ZNF230: variants seen among roughly 807,000 people sequenced by gnomAD.
ZNF230 encodes the protein zinc finger protein 230.
ZNF230 carries 12 observed loss-of-function variants against 10.0 expected under a neutral mutation model. That is an observed-to-expected ratio of 1.20 (90% CI 0.77 to 1.95). The LOEUF (loss-of-function observed/expected upper bound fraction) is 1.95. Among genes scored for constraint, ZNF230 ranks in the 30% most tolerant of loss-of-function variants. ZNF230 has a pLI of 0.00. For missense variants in ZNF230, 532 were observed against 565.8 expected (o/e 0.94, Z 0.61); for synonymous variants, 174 against 193.6 (o/e 0.90, Z 0.84).
Position 44,011,235 on chromosome 19 carries a change from A to G in ZNF230, c.1196A>G (p.Lys399Arg). ...CCTTATAATTGTAAGGAATGTGGGA[A>G]GAGCTTTAGCCGGGCTTCAAGTATT... The part of the protein sequence containing the change: ...ERPYNCKECG[K>R]SFSRASSILN... Residue 399 changes from lysine (K) to arginine (R), a missense_variant, in exon 5 of 5, where the codon AAG becomes AGG. Lys to Arg is a conservative substitution (Grantham distance 26). Transcript: ENST00000429154. 1 of 1,614,150 alleles carries G rather than the reference A, an allele frequency of 6.2e-7. No individual in the cohort carries two copies. The highest frequency in any genetic ancestry group is 8.5e-7 in the Non-Finnish European group (1 of 1,180,014).
At chr19:44,009,982 T>A (rs1386913329) in intron 4 of ZNF230, among the ~76,000 whole-genome samples, 1 of 152,264 alleles carries the variant, frequency 6.6e-6, no homozygotes, top group East Asian at 1.9e-4. Flanking sequence ...TAGTAATTTA[T>A]CATGCAAGAT....
chr19:44,007,855 G>A (rs941470250), intron 2 of ZNF230, among the ~76,000 whole-genome samples: 1 of 152,226 alleles, frequency 6.6e-6, no homozygotes, highest in African/African-American at 2.4e-5. Flanking sequence ...CCCTTTGCCA[G>A]TCCAGAGTTC....
rs764274865 is a variant in ZNF230, at chr19:44,010,826, C to G, written c.787C>G (p.His263Asp). 1 of 1,614,198 alleles carries G rather than the reference C, an allele frequency of 6.2e-7. No individual in the cohort carries two copies. Among genetic ancestry groups the G allele is most frequent in the Non-Finnish European group, 8.5e-7 (1 of 1,180,014 alleles). ...ICEKCGRAFI[H>D]DFQLQKHQII... ...TGAGAAATGTGGGAGGGCCTTCATT[C>G]ACGATTTCCAGCTTCAGAAACATCA... is the stretch of plus-strand genomic sequence containing the variant. Residue 263 changes from histidine (H) to aspartate (D), a missense_variant, in exon 5 of 5, where the codon CAC becomes GAC. His to Asp is a moderately conservative substitution (Grantham distance 81, BLOSUM62 -1). Transcript: ENST00000429154.
chr19:44,012,064 A>AG lies in ZNF230; in HGVS notation c.*600_*601insG. 1 of 193,194 alleles carries AG rather than the reference A, an allele frequency of 5.2e-6. No homozygotes were observed. The highest frequency in any genetic ancestry group is 1.1e-5 in the Non-Finnish European group (1 of 94,168). The allele number at this position is 193,194 out of a possible 1,614,324, so 12.0% of individuals were successfully genotyped here. On this transcript the variant is annotated 3_prime_UTR_variant, in exon 5 of 5. Coordinates refer to ENST00000429154, the MANE Select transcript of ZNF230 (RefSeq NM_006300.4). Reference sequence around the variant, plus strand: ...GGTAGTGTAGATATCTGATCCACATACTGATTTCCTTTGCTTTGGATATAC... The same window carrying AG: ...GGTAGTGTAGATATCTGATCCACATAGCTGATTTCCTTTGCTTTGGATATAC...
intron 1 of ZNF230, among the ~76,000 whole-genome samples, chr19:44,005,120 T>TAAA (rs1976111426): frequency 1.7e-5 from 1 of 57,562 alleles, no homozygotes. Flanking sequence ...AGACTCTGTC[T>TAAA]CAAAAAAAAA....
rs1976177875 is a variant in ZNF230 at position 44,011,135 on chromosome 19, T to G, written c.1096T>G (p.Cys366Gly). ...RIHSGEKPYRCEECGKGYISK... is the reference protein window; with the variant it reads ...RIHSGEKPYRGEECGKGYISK... ...CCACAGTGGAGAAAAACCATACAGA[T>G]GTGAGGAGTGTGGGAAGGGCTACAT... Residue 366 changes from cysteine (C) to glycine (G), a missense_variant, in exon 5 of 5, where the codon TGT becomes GGT. Cys to Gly is a radical substitution (Grantham distance 159). Transcript: ENST00000429154. 3 of 1,614,152 alleles carry G rather than the reference T, an allele frequency of 1.9e-6. No homozygotes were observed. In the East Asian group the frequency reaches 6.7e-5, roughly 36 times the overall value.
Position 44,010,511 on chromosome 19 carries a change from C to T in ZNF230, c.472C>T (p.Pro158Ser). 1.2e-6 allele frequency: 2 copies of T among 1,614,246 alleles called. No homozygotes were observed. The highest frequency in any genetic ancestry group is 1.7e-6 in the Non-Finnish European group (2 of 1,180,038). Residue 158 changes from proline (P) to serine (S), a missense_variant, in exon 5 of 5, where the codon CCT becomes TCT. By Grantham distance (74) the Pro-to-Ser change is moderately conservative. Coordinates refer to ENST00000429154, the MANE Select transcript of ZNF230 (RefSeq NM_006300.4). Reference protein sequence around the residue: ...SFSDVAIFDPPQQFHSGEKSH... With the variant: ...SFSDVAIFDPSQQFHSGEKSH... ...CAGTGATGTTGCCATCTTTGATCCT[C>T]CTCAGCAGTTCCACTCAGGAGAGAA...
intron 4 of ZNF230, 180 bp downstream of exon 4, chr19:44,009,350 C>G (rs1568497591): frequency 3.0e-6 from 2 of 667,322 alleles, no homozygotes; most frequent in Non-Finnish European, 2.5e-6. Flanking sequence ...CTATTTTCCC[C>G]CGAGCAGCCA....
rs778179090 is a variant in ZNF230 at position 44,011,349 on chromosome 19, A to G, written c.1310A>G (p.Asp437Gly). The G allele has an allele frequency of 5.0e-6, 8 of 1,614,056 alleles. No individual in the cohort carries two copies. Among genetic ancestry groups the G allele is most frequent in the African/African-American group, 1.3e-5 (1 of 75,044 alleles). Residue 437 changes from aspartate to glycine, a missense_variant, in exon 5 of 5, where the codon GAC (aspartate) becomes GGC (glycine). Transcript: ENST00000429154. ...KRLVHRSFCK[D>G]QQGDHNGENS... ...CTTGTACACCGGTCTTTCTGTAAAG[A>G]CCAACAAGGAGACCACAATGGAGAA... is the stretch of plus-strand genomic sequence containing the variant.
In ZNF230 at chr19:44,008,909, G is replaced by A; in HGVS notation, c.135G>A (p.Leu45=). 6.2e-7 allele frequency: 1 copy of A among 1,613,926 alleles called. No individual in the cohort carries two copies. The highest frequency in any genetic ancestry group is 1.3e-5 in the African/African-American group (1 of 75,042). The part of the protein sequence containing the change: ...DVMLENFTNL[L]SVGHQPFHPF... ...TGCTTGAGAACTTCACGAACCTGCT[G>A]TCAGTGGGTGAGCACAGGCACCCTC... The change falls in exon 3 of 5, where the codon CTG becomes CTA. Residue 45 remains leucine (L), a synonymous_variant. Coordinates refer to ENST00000429154, the MANE Select transcript of ZNF230 (RefSeq NM_006300.4).
intron 2 of ZNF230, 130 bp from the exon 3 acceptor site, chr19:44,008,660 C>T: frequency 1.7e-6 from 2 of 1,177,598 alleles, no homozygotes; most frequent in Non-Finnish European, 2.4e-6. Flanking sequence ...AAATCACTGT[C>T]AGGATACAGA....
chr19:44,010,274 A>C lies in ZNF230; in HGVS notation c.235A>C (p.Lys79Gln). 6.2e-7 allele frequency: 1 copy of C among 1,603,222 alleles called. No homozygotes were observed. The highest frequency in any genetic ancestry group is 2.2e-5 in the East Asian group (1 of 44,824). ...ATQREGNSGGKTIAEAGPHED... is the reference protein window; with the variant it reads ...ATQREGNSGGQTIAEAGPHED... ...TTCATTCTGTGTCCTTATAGGCGGC[A>C]AGACTATTGCGGAAGCAGGACCACA... The change falls in exon 5 of 5, where the codon AAG becomes CAG. Residue 79 changes from lysine (K) to glutamine (Q), a missense_variant. Physicochemically the swap from Lys to Gln is moderately conservative, Grantham distance 53. Transcript: ENST00000429154.
intron 4 of ZNF230, among the ~76,000 whole-genome samples, chr19:44,009,583 A>G (rs944810854): frequency 6.6e-6 from 1 of 152,206 alleles, no homozygotes; most frequent in Non-Finnish European, 1.5e-5. Context: ...TGTCATGGAC[A>G]CTGTATTCCC....
At chr19:44,006,507 C>T (rs1976125695) in intron 1 of ZNF230, among the ~76,000 whole-genome samples, 1 of 152,166 alleles carries the variant, frequency 6.6e-6, no homozygotes, top group African/African-American at 2.4e-5. Flanking sequence ...AGCATTCACT[C>T]ATTTCAGGAG....
intron 1 of ZNF230, among the ~76,000 whole-genome samples, chr19:44,005,611 A>G (rs1360178215): frequency 6.6e-6 from 1 of 152,182 alleles, no homozygotes; most frequent in Admixed American, 6.5e-5. Context: ...GTCCTATGCC[A>G]GGCACAGTGG....
chr19:44,011,199 CT>C lies in ZNF230; in HGVS notation c.1161del (p.Gly388GlufsTer21). The C allele has an allele frequency of 6.2e-7, 1 of 1,614,004 alleles. No homozygotes were observed. The highest frequency in any genetic ancestry group is 2.2e-5 in the East Asian group (1 of 44,872). ...SGLNLHQRVH[T>X]GERPYNCKEC... ...CTTAACTTGCACCAGAGGGTCCATA[CT>C]GGAGAGAGACCTTATAATTGTAAGG... On this transcript the variant is annotated frameshift_variant, in exon 5 of 5. Coordinates refer to ENST00000429154, the MANE Select transcript of ZNF230 (RefSeq NM_006300.4). LOFTEE classifies it low-confidence loss of function (END_TRUNC).
In ZNF230 at chr19:44,011,258, ATT is replaced by A. The variant is rs1976179715; in HGVS notation, c.1222_1223del (p.Leu408GlufsTer3). 2 of 1,614,002 alleles carry A rather than the reference ATT, an allele frequency of 1.2e-6. No homozygotes were observed. Among genetic ancestry groups the A allele is most frequent in the Admixed American group, 1.7e-5 (1 of 60,000 alleles). ...CGKSFSRASS[I>X]LNHKKLHCRK... ...GAAGAGCTTTAGCCGGGCTTCAAGT[ATT>A]TTGAATCATAAGAAACTCCACTGCC... On this transcript the variant is annotated frameshift_variant, in exon 5 of 5. Coordinates refer to ENST00000429154, the MANE Select transcript of ZNF230 (RefSeq NM_006300.4). LOFTEE classifies it low-confidence loss of function (END_TRUNC).
At chr19:44,008,182 C>G (rs576989971) in intron 2 of ZNF230, among the ~76,000 whole-genome samples, 1 of 152,038 alleles carries the variant, frequency 6.6e-6, no homozygotes, top group East Asian at 1.9e-4. Flanking sequence ...AGCAGTTCCT[C>G]TCTAACTCAA....
Position 44,013,684 on chromosome 19 carries a change from T to C in ZNF230, c.*2220T>C, listed in dbSNP as rs929799959. 2 of 152,166 alleles carry C rather than the reference T, an allele frequency of 1.3e-5. No individual in the cohort carries two copies. The highest frequency in any genetic ancestry group is 2.4e-5 in the African/African-American group (1 of 41,450). The allele number at this position is 152,166 out of a possible 1,614,324, so 9.4% of individuals were successfully genotyped here. On this transcript the variant is annotated 3_prime_UTR_variant, in exon 5 of 5. Coordinates refer to ENST00000429154, the MANE Select transcript of ZNF230 (RefSeq NM_006300.4). ...GTAACCTTCATAACATAATCAAATA[T>C]CTTTGTGTGTTTCTGGGACTTTTTA...
Sources: allele counts gnomAD v4.1 joint callset (sites outside exome capture counted in the v4.1 genomes callset), GRCh38; gene constraint gnomAD v4.1.1; transcripts MANE v1.5; gene names NCBI Gene and HGNC (gene_info 2026-07-23, HGNC 2026-07-21).